PRR5L: variants seen among roughly 807,000 people sequenced by gnomAD.
The protein encoded by PRR5L is proline rich 5 like, also known as proline-rich protein 5-like.
A neutral mutation model predicts 36.4 loss-of-function variants in PRR5L; 21 were observed. The observed-to-expected ratio is 0.58, with a 90% confidence interval of 0.41 to 0.83. PRR5L has a LOEUF of 0.83. Ranked by LOEUF, PRR5L falls within the 40% of genes least tolerant of loss-of-function variation. The pLI is 0.00. For missense variants in PRR5L, 381 were observed against 473.3 expected (o/e 0.80, Z 1.81); for synonymous variants, 188 against 197.0 (o/e 0.95, Z 0.38).
chr11:36,437,375 C>T lies in PRR5L; in HGVS notation c.353-10C>T, dbSNP rs1339363757. The T allele has an allele frequency of 2.5e-6, 4 of 1,579,170 alleles. No individual in the cohort carries two copies. The highest frequency in any genetic ancestry group is 1.3e-5 in the African/African-American group (1 of 74,294). On this transcript the variant is annotated splice_polypyrimidine_tract_variant and intron_variant, in intron 5 of 8. Transcript: ENST00000530639. ...TCTTCCTCCCTTCCCATCTTCTCGCCCTCTTGTAGGTGAAAATCGCATTGA... is the reference window on the plus strand; with the variant it reads ...TCTTCCTCCCTTCCCATCTTCTCGCTCTCTTGTAGGTGAAAATCGCATTGA...
intron 1 of PRR5L, among the ~76,000 whole-genome samples, chr11:36,400,346 A>T (rs330259): frequency 0.71 from 108,558 of 152,052 alleles, 40,820 homozygotes; most frequent in Middle Eastern, 0.85. Flanking sequence ...TGAATACTTG[A>T]AAAGACTGTT....
chr11:36,418,678 C>T (rs1292233093), intron 3 of PRR5L, among the ~76,000 whole-genome samples: 1 of 152,012 alleles, frequency 6.6e-6, no homozygotes, highest in African/African-American at 2.4e-5. Flanking sequence ...CGCCTGTGGT[C>T]CCAGCTACTC....
intron 1 of PRR5L, among the ~76,000 whole-genome samples, chr11:36,351,274 A>ATATATAATTT (rs1856941931): frequency 1.3e-5 from 1 of 79,268 alleles, no homozygotes; most frequent in Admixed American, 2.5e-4. Flanking sequence ...TTATATATTT[A>ATATATAATTT]TATATATGTA....
intron 3 of PRR5L, among the ~76,000 whole-genome samples, chr11:36,419,042 C>A (rs1171105312): frequency 6.6e-6 from 1 of 152,164 alleles, no homozygotes; most frequent in African/African-American, 2.4e-5. Context: ...CACAGTGCTA[C>A]TTTCTCAGAG....
At chr11:36,418,282 C>T (rs914573510) in intron 3 of PRR5L, among the ~76,000 whole-genome samples, 2 of 152,114 alleles carry the variant, frequency 1.3e-5, no homozygotes, top group Non-Finnish European at 2.9e-5. Flanking sequence ...AAGACTGCCT[C>T]AGTCCATTGG....
chr11:36,304,803 A>G (rs963152356), intron 1 of PRR5L, among the ~76,000 whole-genome samples: 12 of 151,984 alleles, frequency 7.9e-5, no homozygotes, highest in Admixed American at 7.2e-4. Flanking sequence ...GCCATCAGGG[A>G]AAAGCAAATG....
chr11:36,383,318 T>G (rs1462690652), intron 1 of PRR5L, among the ~76,000 whole-genome samples: 1 of 152,226 alleles, frequency 6.6e-6, no homozygotes, highest in Non-Finnish European at 1.5e-5. Context: ...TCTGTAACCT[T>G]CACAATATCT....
intron 1 of PRR5L, among the ~76,000 whole-genome samples, chr11:36,325,013 T>A (rs1223197992): frequency 6.6e-6 from 1 of 152,188 alleles, no homozygotes; most frequent in Non-Finnish European, 1.5e-5. Context: ...GCTCCCAAGA[T>A]GATGGTGGGC....
intron 1 of PRR5L, among the ~76,000 whole-genome samples, chr11:36,346,371 C>T (rs1303119620): frequency 6.6e-5 from 10 of 152,082 alleles, no homozygotes; most frequent in South Asian, 2.1e-4. Context: ...ATCACGAGGT[C>T]AGGAGATCGA....
intron 4 of PRR5L, among the ~76,000 whole-genome samples, chr11:36,424,076 G>A (rs559011062): frequency 2.5e-4 from 38 of 152,274 alleles, no homozygotes; most frequent in African/African-American, 8.7e-4. Flanking sequence ...CATACTTTAT[G>A]AGTCTCCGTG....
chr11:36,401,424 T>G, intron 2 of PRR5L, 139 bp downstream of exon 2: 1 of 827,886 alleles, frequency 1.2e-6, no homozygotes, highest in Non-Finnish European at 1.8e-6. Flanking sequence ...GAGCAAATTT[T>G]CTTTTTTTCC....
intron 1 of PRR5L, among the ~76,000 whole-genome samples, chr11:36,316,533 G>C (rs1369038720): frequency 6.6e-6 from 1 of 152,150 alleles, no homozygotes; most frequent in Non-Finnish European, 1.5e-5. Flanking sequence ...GGTTGGAAAT[G>C]GAAGCATAGA....
In PRR5L at chr11:36,336,102, C is replaced by T. The variant is rs907215115; in HGVS notation, c.-126+39664C>T. 3.9e-5 allele frequency among the ~76,000 whole-genome samples: 6 copies of T among 152,320 alleles called. No individual in the cohort carries two copies. In the East Asian group the frequency reaches 1.2e-3, roughly 29 times the overall value. ...GGTACTTAGTGAGCTGCCTCAGACC[C>T]AGCACATCCAAATGTGGCTGATTTT... is the stretch of plus-strand genomic sequence containing the variant. On this transcript the variant is annotated intron_variant, in intron 1 of 8. Transcript: ENST00000530639.
intron 1 of PRR5L, among the ~76,000 whole-genome samples, chr11:36,389,638 G>C (rs1243178345): frequency 7.2e-6 from 1 of 139,394 alleles, no homozygotes; most frequent in African/African-American, 2.8e-5. Flanking sequence ...TTTTGGTAGA[G>C]TTTTGCTCTT....
chr11:36,346,742 C>T (rs1251190540), intron 1 of PRR5L, among the ~76,000 whole-genome samples: 1 of 152,004 alleles, frequency 6.6e-6, no homozygotes, highest in African/African-American at 2.4e-5. Context: ...ATATTAGCTC[C>T]GTAGGCAGTG....
intron 1 of PRR5L, among the ~76,000 whole-genome samples, chr11:36,373,577 C>T (rs1283799196): frequency 6.3e-5 from 9 of 143,764 alleles, no homozygotes; most frequent in South Asian, 2.2e-4. Context: ...CCAGCCTAGG[C>T]GAGAGAGCAA....
intron 1 of PRR5L, among the ~76,000 whole-genome samples, chr11:36,313,216 A>C (rs1181976105): frequency 6.6e-6 from 1 of 152,238 alleles, no homozygotes; most frequent in East Asian, 1.9e-4. Flanking sequence ...TCTGTCTCAC[A>C]GAAAGAAAAC....
At position 36,403,337 on chromosome 11, in the gene PRR5L, C is replaced by T. The variant is rs764963834; in HGVS notation, c.204C>T (p.Gly68=). The T allele has an allele frequency of 7.4e-6, 12 of 1,614,040 alleles. No individual in the cohort carries two copies. The South Asian group carries it at 1.3e-4, about 18-fold the overall frequency. The change falls in exon 3 of 9, where the codon GGC becomes GGT. Residue 68 remains glycine, a synonymous_variant. Transcript: ENST00000530639. The stretch of plus-strand genomic sequence containing the variant: ...TGATCAACGTTTTCAAAGGGGGTGG[C>T]TTGCAAAGCAACGAGCTCTATGCCC... The part of the protein sequence containing the change: ...TAVINVFKGG[G]LQSNELYALN...
rs1374258876 is a variant in PRR5L, at chr11:36,326,761, TTGAAA to T, written c.-126+30327_-126+30331del. Among the ~76,000 whole-genome samples, 13 of 145,382 alleles carry T rather than the reference TTGAAA, an allele frequency of 8.9e-5. No homozygotes were observed. In the Admixed American group the frequency reaches 9.0e-4, roughly 10 times the overall value. On this transcript the variant is annotated intron_variant, in intron 1 of 8. Coordinates refer to ENST00000530639, the MANE Select transcript of PRR5L (RefSeq NM_001160167.2). ...TGTTTCAGTTAAAGTAGTTGAACTC[TTGAAA>T]TGACTTTTTAAATGCCACCTGGAAA...
Sources: gnomAD v4.1 joint callset for allele counts (sites outside exome capture counted in the v4.1 genomes callset) on GRCh38, gnomAD v4.1.1 for gene constraint, MANE v1.5 for transcripts, NCBI Gene and HGNC (gene_info 2026-07-23, HGNC 2026-07-21) for gene names.